CACNA1A: variants seen among roughly 807,000 people sequenced by gnomAD.
CACNA1A encodes calcium voltage-gated channel subunit alpha1 A, also known as voltage-dependent P/Q-type calcium channel subunit alpha-1A.
A neutral mutation model predicts 262.4 loss-of-function variants in CACNA1A; 57 were observed. The observed-to-expected ratio is 0.22, with a 90% CI of 0.18 to 0.27. CACNA1A has a LOEUF of 0.27. CACNA1A is among the 10% of genes least tolerant of loss of function. The pLI is 1.00. For synonymous variants in CACNA1A, 1,431 were observed against 1,419.3 expected, an observed-to-expected ratio of 1.01 and a Z score of -0.18; for missense variants, 2,526 against 3,562.8, an observed-to-expected ratio of 0.71 and a Z score of 7.41.
intron 6 of CACNA1A, among the ~76,000 whole-genome samples, chr19:13,340,323 T>C (rs1204231329): frequency 6.6e-6 from 1 of 152,168 alleles, no homozygotes; most frequent in South Asian, 2.1e-4. Flanking sequence ...ACGTGGAGGC[T>C]TGGACTGTTT....
At chr19:13,329,901 G>A (rs991898666) in intron 10 of CACNA1A, among the ~76,000 whole-genome samples, 8 of 151,312 alleles carry the variant, frequency 5.3e-5, no homozygotes, top group African/African-American at 1.2e-4. Flanking sequence ...GCCTTGTCTT[G>A]TTTGCAACCA....
rs561507172 is a variant in CACNA1A, at chr19:13,490,939, G to A, written c.293+14993C>T. 2.2e-5 allele frequency among the ~76,000 whole-genome samples: 3 copies of A among 136,602 alleles called. No homozygotes were observed. In the Admixed American group the frequency reaches 2.3e-4, roughly 11 times the overall value. 89.6% of individuals were successfully genotyped at this position (136,602 alleles called of 152,430 possible). On this transcript the variant is annotated intron_variant, in intron 1 of 46. Transcript: ENST00000360228. ...AGGGAGGGAGGGAGGGAAAGAGAAA[G>A]GAAAGGAAGGAAAGGAAGAAGGAAG... is the stretch of plus-strand genomic sequence containing the variant.
chr19:13,359,255 C>T (rs1026844726), intron 6 of CACNA1A, among the ~76,000 whole-genome samples: 1 of 152,308 alleles, frequency 6.6e-6, no homozygotes, highest in South Asian at 2.1e-4. Flanking sequence ...AGGGACCCCT[C>T]GCCTACGTCC....
At chr19:13,280,811 C>T (rs1012991967) in intron 22 of CACNA1A, among the ~76,000 whole-genome samples, 4 of 151,728 alleles carry the variant, frequency 2.6e-5, no homozygotes, top group Non-Finnish European at 5.9e-5. Context: ...TGTGGTGGCG[C>T]CTGCCTGTAG....
At chr19:13,366,469 A>G (rs1028239818) in intron 4 of CACNA1A, among the ~76,000 whole-genome samples, 161 of 151,878 alleles carry the variant, frequency 1.1e-3, no homozygotes, top group African/African-American at 3.7e-3. Flanking sequence ...AAATCTATAT[A>G]TATATTTTAT....
chr19:13,207,616 G>A lies in CACNA1A; in HGVS notation c.7218C>T (p.His2406=), dbSNP rs1189742171. Residue 2406 remains histidine (H), a synonymous_variant, in exon 47 of 47, where the codon CAC becomes CAT. Transcript: ENST00000360228. This position sits in a 1 kb window ranked among gnomAD's most constrained non-coding sequence, Gnocchi z 5.7. ...HVSEGPPGPR[H]HGYYRGSDYD... ...AGTCGGAGCCCCGGTAGTAGCCATG[G>A]TGCCGGGGACCCGGGGGCCCCTCGG... The A allele has an allele frequency of 6.8e-7, 1 of 1,480,454 alleles. No individual in the cohort carries two copies. Among genetic ancestry groups the A allele is most frequent in the Non-Finnish European group, 9.0e-7 (1 of 1,115,788 alleles). The allele number at this position is 1,480,454 out of a possible 1,614,324, so 91.7% of individuals were successfully genotyped here.
chr19:13,481,356 T>C (rs774477971), intron 1 of CACNA1A, among the ~76,000 whole-genome samples: 4 of 152,228 alleles, frequency 2.6e-5, no homozygotes, highest in South Asian at 2.1e-4. Context: ...TCTCACCTCA[T>C]TGTCCTAGAC....
chr19:13,436,009 G>A (rs1441912108), intron 3 of CACNA1A, among the ~76,000 whole-genome samples: 1 of 152,096 alleles, frequency 6.6e-6, no homozygotes, highest in Non-Finnish European at 1.5e-5. Flanking sequence ...ATTTTTAGTA[G>A]AGATGGGATT....
intron 1 of CACNA1A, among the ~76,000 whole-genome samples, chr19:13,487,318 G>A (rs1000637421): frequency 6.6e-6 from 1 of 152,158 alleles, no homozygotes; most frequent in Non-Finnish European, 1.5e-5. Flanking sequence ...AAACAGGTGG[G>A]GGCAGCCCCC....
intron 1 of CACNA1A, among the ~76,000 whole-genome samples, chr19:13,464,484 C>T (rs1217988168): frequency 6.6e-6 from 1 of 150,902 alleles, no homozygotes; most frequent in Admixed American, 6.6e-5. Context: ...TCATTGTAAT[C>T]ATGCAATAAA....
At position 13,236,759 on chromosome 19, in the gene CACNA1A, G is replaced by C. The variant is rs1213857297; in HGVS notation, c.4951-1029C>G. 8 of 152,300 alleles carry C rather than the reference G, an allele frequency of 5.3e-5. No individual in the cohort carries two copies. Among genetic ancestry groups the C allele is most frequent in the Non-Finnish European group, 8.8e-5 (6 of 68,080 alleles). 9.4% of individuals were successfully genotyped at this position (152,300 alleles called of 1,614,324 possible). On this transcript the variant is annotated intron_variant, in intron 31 of 46. Coordinates refer to ENST00000360228, the MANE Select transcript of CACNA1A (RefSeq NM_001127222.2). The surrounding 1 kb of genome is among the most constrained non-coding windows in gnomAD (Gnocchi z 4.6). ...ACCTCCCTGGGTGGCCACTGCCTCT[G>C]CTCAAAAACCCCCTGTCTAGTCACT...
At chr19:13,442,998 C>G (rs998873852) in intron 3 of CACNA1A, among the ~76,000 whole-genome samples, 2 of 152,236 alleles carry the variant, frequency 1.3e-5, no homozygotes, top group Non-Finnish European at 2.9e-5. Flanking sequence ...GACAGATGCT[C>G]TGGCTTGAAT....
intron 1 of CACNA1A, 112 bp downstream of exon 1, chr19:13,505,820 C>T: frequency 8.9e-7 from 1 of 1,128,920 alleles, no homozygotes; most frequent in Non-Finnish European, 1.3e-6. Context: ...TGGAAGACCC[C>T]CCTCCTCCCC....
At chr19:13,305,121 AGG>A (rs1321755089) in intron 15 of CACNA1A, among the ~76,000 whole-genome samples, 2 of 152,202 alleles carry the variant, frequency 1.3e-5, no homozygotes, top group Admixed American at 1.3e-4. Flanking sequence ...AAGGGAAAAG[AGG>A]GTGGAACGTA....
intron 19 of CACNA1A, among the ~76,000 whole-genome samples, chr19:13,293,704 C>T (rs1024037020): frequency 2.6e-5 from 4 of 151,128 alleles, no homozygotes; most frequent in Admixed American, 2.6e-4. Context: ...GATCCGCTCA[C>T]CTCGGCCTCC....
At chr19:13,310,207 G>C (rs1209638106) in intron 12 of CACNA1A, among the ~76,000 whole-genome samples, 2 of 151,678 alleles carry the variant, frequency 1.3e-5, no homozygotes, top group African/African-American at 4.8e-5. Flanking sequence ...TGTAATCCCA[G>C]CACTTTGGGA....
intron 3 of CACNA1A, among the ~76,000 whole-genome samples, chr19:13,381,040 T>C (rs774438208): frequency 4.6e-5 from 7 of 152,092 alleles, no homozygotes; most frequent in Non-Finnish European, 1.0e-4. Flanking sequence ...CCTCCCAAAG[T>C]GCTGGTATTT....
chr19:13,336,357 G>A (rs890275453), intron 6 of CACNA1A, among the ~76,000 whole-genome samples: 9 of 152,196 alleles, frequency 5.9e-5, no homozygotes, highest in African/African-American at 1.9e-4. Flanking sequence ...CCAGACAGAT[G>A]GTCCATGAGC....
At chr19:13,315,918 C>T (rs191822501) in intron 11 of CACNA1A, 5 of 152,238 alleles carry the variant, frequency 3.3e-5, no homozygotes, top group African/African-American at 1.2e-4. Context: ...CCACCTGCCC[C>T]CCTCACTGCC....
Sources: allele counts gnomAD v4.1 joint callset (sites outside exome capture counted in the v4.1 genomes callset), GRCh38; gene constraint gnomAD v4.1.1; non-coding constraint Gnocchi (gnomAD v3.1); transcripts MANE v1.5; gene names NCBI Gene and HGNC (gene_info 2026-07-23, HGNC 2026-07-21).